CTNNA2: variants seen among roughly 807,000 people sequenced by gnomAD.
CTNNA2 encodes the protein catenin alpha 2.
CTNNA2 carries 42 observed loss-of-function variants against 101.0 expected under a neutral mutation model. The observed-to-expected ratio is 0.42, with a 90% CI of 0.32 to 0.54. The LOEUF (loss-of-function observed/expected upper bound fraction) is 0.54. CTNNA2 is among the 20% of genes least tolerant of loss of function. The pLI, the probability that CTNNA2 is intolerant of heterozygous loss-of-function variation, is 0.14. For synonymous variants in CTNNA2, 450 were observed against 456.4 expected (o/e 0.99, Z 0.18); for missense variants, 871 against 1,223.1 (o/e 0.71, Z 4.29).
intron 7 of CTNNA2, among the ~76,000 whole-genome samples, chr2:79,912,315 G>A (rs1470063847): frequency 2.0e-5 from 3 of 152,238 alleles, no homozygotes; most frequent in African/African-American, 4.8e-5. Context: ...CAGAGGTTGT[G>A]GAGAGAAGCT....
At chr2:80,461,748 C>A (rs1324468670) in intron 9 of CTNNA2, among the ~76,000 whole-genome samples, 1 of 152,136 alleles carries the variant, frequency 6.6e-6, no homozygotes, top group Non-Finnish European at 1.5e-5. Context: ...TGCTTTGTGG[C>A]CACACTTCAG....
chr2:80,369,529 G>T (rs543066292), intron 7 of CTNNA2, among the ~76,000 whole-genome samples: 18 of 152,014 alleles, frequency 1.2e-4, no homozygotes, highest in Non-Finnish European at 1.9e-4. Flanking sequence ...GGATATCCAC[G>T]TACTAAGTCC....
chr2:79,718,788 T>C (rs1686276343), intron 2 of CTNNA2, among the ~76,000 whole-genome samples: 1 of 152,142 alleles, frequency 6.6e-6, no homozygotes, highest in East Asian at 1.9e-4. Flanking sequence ...AGTTGGTAAA[T>C]GTACAGCAAA....
intron 1 of CTNNA2, among the ~76,000 whole-genome samples, chr2:79,607,438 C>G (rs1366307627): frequency 1.3e-5 from 2 of 152,126 alleles, no homozygotes; most frequent in East Asian, 3.8e-4. Context: ...CACTCAATAA[C>G]TGCAGAATAC....
chr2:79,918,927 T>C (rs1686457137), intron 7 of CTNNA2, among the ~76,000 whole-genome samples: 1 of 152,214 alleles, frequency 6.6e-6, no homozygotes, highest in African/African-American at 2.4e-5. Flanking sequence ...GTACAGATTA[T>C]AAAATATTTC....
intron 2 of CTNNA2, among the ~76,000 whole-genome samples, chr2:79,704,473 C>T (rs115749249): frequency 1.0e-3 from 155 of 151,396 alleles, no homozygotes; most frequent in African/African-American, 3.6e-3. Flanking sequence ...TGCAAAGCAC[C>T]GTCTGGCATA....
intron 7 of CTNNA2, among the ~76,000 whole-genome samples, chr2:80,281,131 G>A (rs541591615): frequency 6.6e-6 from 1 of 152,272 alleles, no homozygotes; most frequent in South Asian, 2.1e-4. Flanking sequence ...AGGGATTTGA[G>A]ATCCCCAGGG....
chr2:80,568,280 T>C (rs1694241743), intron 12 of CTNNA2, among the ~76,000 whole-genome samples: 1 of 152,178 alleles, frequency 6.6e-6, no homozygotes, highest in Non-Finnish European at 1.5e-5. Flanking sequence ...AAAGAGAGAC[T>C]TGTTATGTGA....
chr2:80,422,333 G>A (rs1241851378), intron 9 of CTNNA2, among the ~76,000 whole-genome samples: 1 of 152,080 alleles, frequency 6.6e-6, no homozygotes, highest in Non-Finnish European at 1.5e-5. Context: ...ATCTCCACCT[G>A]GCACCACCCT....
chr2:79,595,770 A>C (rs577097616), intron 1 of CTNNA2, among the ~76,000 whole-genome samples: 1 of 152,052 alleles, frequency 6.6e-6, no homozygotes, highest in African/African-American at 2.4e-5. Flanking sequence ...CTACTACTTA[A>C]TCTATACTGT....
chr2:79,443,631 A>G (rs1678799525), intron 4 of CTNNA2, among the ~76,000 whole-genome samples: 1 of 152,124 alleles, frequency 6.6e-6, no homozygotes, highest in African/African-American at 2.4e-5. Context: ...TAACTATAGA[A>G]ATTCAAAACC....
intron 7 of CTNNA2, among the ~76,000 whole-genome samples, chr2:80,370,730 C>A (rs528804372): frequency 6.6e-6 from 1 of 152,244 alleles, no homozygotes; most frequent in African/African-American, 2.4e-5. Flanking sequence ...ACCACACAGC[C>A]ACTTACTTGT....
chr2:79,369,476 G>A (rs377753458), intron 3 of CTNNA2, among the ~76,000 whole-genome samples: 1 of 152,034 alleles, frequency 6.6e-6, no homozygotes, highest in African/African-American at 2.4e-5. Flanking sequence ...ACATGCACAC[G>A]ACTGTAGCGG....
At chr2:79,539,697 T>C (rs1673291560) in intron 1 of CTNNA2, among the ~76,000 whole-genome samples, 1 of 152,182 alleles carries the variant, frequency 6.6e-6, no homozygotes, top group Non-Finnish European at 1.5e-5. Flanking sequence ...ATTTTTCCCT[T>C]CTGGTCACCT....
intron 7 of CTNNA2, among the ~76,000 whole-genome samples, chr2:80,262,999 C>T (rs1042391314): frequency 1.9e-4 from 29 of 151,900 alleles, no homozygotes; most frequent in African/African-American, 6.3e-4. Context: ...CGTGCCAGAA[C>T]GGAATTATGT....
intron 1 of CTNNA2, among the ~76,000 whole-genome samples, chr2:79,536,922 G>A (rs890516925): frequency 1.3e-5 from 2 of 151,972 alleles, no homozygotes; most frequent in Admixed American, 6.6e-5. Context: ...GGCTGGGCTC[G>A]AACTCCTGAG....
intron 2 of CTNNA2, among the ~76,000 whole-genome samples, chr2:79,667,496 TA>T (rs1682502589): frequency 6.6e-6 from 1 of 152,222 alleles, no homozygotes; most frequent in Admixed American, 6.5e-5. Flanking sequence ...TCCTCCAGTT[TA>T]AACTCATTGG....
At chr2:80,185,726 G>A (rs1350366737) in intron 7 of CTNNA2, among the ~76,000 whole-genome samples, 2 of 152,126 alleles carry the variant, frequency 1.3e-5, no homozygotes, top group Non-Finnish European at 2.9e-5. Context: ...AAAACCTTTG[G>A]TGAATGGCTG....
chr2:79,587,556 T>C (rs1381274640), intron 1 of CTNNA2, among the ~76,000 whole-genome samples: 1 of 152,206 alleles, frequency 6.6e-6, no homozygotes, highest in Non-Finnish European at 1.5e-5. Context: ...CTCTTTTCTC[T>C]TTCATTCCAT....
Sources: gnomAD v4.1 joint callset for allele counts (sites outside exome capture counted in the v4.1 genomes callset) on GRCh38, gnomAD v4.1.1 for gene constraint, MANE v1.5 for transcripts, NCBI Gene and HGNC (gene_info 2026-07-23, HGNC 2026-07-21) for gene names.